ZNF10: variants seen among roughly 807,000 people sequenced by gnomAD.
The protein encoded by ZNF10 is zinc finger protein 10.
In ZNF10, 8 loss-of-function variants were observed where a neutral mutation model predicts 12.2. The ratio of observed to expected loss-of-function variants is 0.66; its 90% CI spans 0.39 to 1.18. The LOEUF (loss-of-function observed/expected upper bound fraction) is 1.18, where lower values mean the gene tolerates loss of function less well. Among genes scored for constraint, ZNF10 ranks in the 50% most tolerant of loss-of-function variants. ZNF10 has a pLI of 0.01. For missense variants in ZNF10, 603 were observed against 678.9 expected, an observed-to-expected ratio of 0.89 and a Z score of 1.24; for synonymous variants, 229 against 228.2, an observed-to-expected ratio of 1.00 and a Z score of -0.03.
chr12:133,136,656 T>C (rs1395318331), intron 1 of ZNF10, among the ~76,000 whole-genome samples: 1 of 152,216 alleles, frequency 6.6e-6, no homozygotes, highest in African/African-American at 2.4e-5. Context: ...AATATTACTG[T>C]TTCTTAGTAA....
chr12:133,131,947 T>C (rs556355449), intron 1 of ZNF10, among the ~76,000 whole-genome samples: 2 of 152,298 alleles, frequency 1.3e-5, no homozygotes, highest in East Asian at 3.9e-4. Flanking sequence ...GATTACAAAA[T>C]TATCCTTGTT....
At chr12:133,133,586 G>A (rs1955893079) in intron 1 of ZNF10, among the ~76,000 whole-genome samples, 1 of 152,200 alleles carries the variant, frequency 6.6e-6, no homozygotes, top group African/African-American at 2.4e-5. Flanking sequence ...ACGGATGATA[G>A]AACCACTGAT....
Position 133,155,534 on chromosome 12 carries a change from A to G in ZNF10, c.288A>G (p.Ser96=). The G allele has an allele frequency of 1.9e-6, 3 of 1,591,482 alleles. No homozygotes were observed. Among genetic ancestry groups the G allele is most frequent in the Non-Finnish European group, 2.6e-6 (3 of 1,173,440 alleles). Residue 96 remains serine, a synonymous_variant, in exon 5 of 5, where the codon TCA becomes TCG. Transcript: ENST00000248211. The stretch of plus-strand genomic sequence containing the variant: ...AGACTGCATTTGAAATCAAATCATC[A>G]GTTTCCAGCAGGAGCATTTTTAAAG... ...DSETAFEIKS[S]VSSRSIFKDK...
rs143738546 is a variant in ZNF10, at chr12:133,144,523, C to G, written c.31C>G (p.Arg11Gly). The change falls in exon 2 of 5, where the codon CGG becomes GGG. Residue 11 changes from arginine (R) to glycine (G), a missense_variant and splice_region_variant. This residue lies in a region of ZNF10 where 393 missense variants were observed against 399.7 expected (regional missense o/e 0.98). Coordinates refer to ENST00000248211, the MANE Select transcript of ZNF10 (RefSeq NM_015394.5). MDAKSLTAWS[R>G]TLVTFKDVFV... ...TGCTAAGTCACTAACTGCCTGGTCC[C>G]GGGTAAGCTGGGCTTTCTTCCCAGT... The G allele has an allele frequency of 1.4e-5, 23 of 1,613,728 alleles. No individual in the cohort carries two copies. Among genetic ancestry groups the G allele is most frequent in the East Asian group, 6.7e-5 (3 of 44,880 alleles).
In ZNF10 at chr12:133,151,161, C is replaced by A; in HGVS notation, c.160+7C>A. The A allele has an allele frequency of 6.2e-7, 1 of 1,608,178 alleles. No homozygotes were observed. Among genetic ancestry groups the A allele is most frequent in the Non-Finnish European group, 8.5e-7 (1 of 1,176,484 alleles). On this transcript the variant is annotated splice_region_variant and intron_variant, in intron 3 of 4. Transcript: ENST00000248211. ...AAGAACCTGGTTTCCTTGGGTAAGA[C>A]TAGCTCTGTTTTTGAAGATTTTGGT...
At chr12:133,152,987 T>C (rs1442627157) in intron 4 of ZNF10, among the ~76,000 whole-genome samples, 1 of 152,174 alleles carries the variant, frequency 6.6e-6, no homozygotes, top group Non-Finnish European at 1.5e-5. Flanking sequence ...TGTATCAAAA[T>C]GGTATCTCAA....
At chr12:133,150,939 C>T (rs903103104) in intron 2 of ZNF10, 89 bp from the exon 3 acceptor site, 18 of 1,495,852 alleles carry the variant, frequency 1.2e-5, no homozygotes, top group Non-Finnish European at 1.6e-5. Context: ...CCAGTGCTGT[C>T]AGCTTAATTT....
At chr12:133,147,602 TTC>T (rs1321630713) in intron 2 of ZNF10, among the ~76,000 whole-genome samples, 1 of 147,400 alleles carries the variant, frequency 6.8e-6, no homozygotes, top group Non-Finnish European at 1.5e-5. Flanking sequence ...CTAGTCTGTT[TTC>T]TGAGTTTTTT....
chr12:133,152,079 G>A (rs920549406), intron 4 of ZNF10, among the ~76,000 whole-genome samples, 175 bp downstream of exon 4: 3 of 152,176 alleles, frequency 2.0e-5, no homozygotes, highest in Admixed American at 1.3e-4. Context: ...TGCATTCAGA[G>A]GCAAAGGTTT....
chr12:133,151,888 C>A lies in ZNF10; in HGVS notation c.240C>A (p.His80Gln). The A allele has an allele frequency of 6.2e-7, 1 of 1,613,240 alleles. No individual in the cohort carries two copies. Among genetic ancestry groups the A allele is most frequent in the South Asian group, 1.1e-5 (1 of 91,056 alleles). ...EEPWLVEREIHQETHPDSETA... is the reference protein window; with the variant it reads ...EEPWLVEREIQQETHPDSETA... ...CCTGGCTGGTGGAGAGAGAAATTCA[C>A]CAAGAGACCCATCCTGGTGAGGACC... The change falls in exon 4 of 5, where the codon CAC (histidine) becomes CAA (glutamine). Residue 80 changes from histidine (H) to glutamine (Q), a missense_variant. Physicochemically the swap from His to Gln is conservative, Grantham distance 24. This residue lies in a region of ZNF10 where 393 missense variants were observed against 399.7 expected (regional missense o/e 0.98). Coordinates refer to ENST00000248211, the MANE Select transcript of ZNF10 (RefSeq NM_015394.5).
At chr12:133,133,471 A>G (rs1045737236) in intron 1 of ZNF10, among the ~76,000 whole-genome samples, 27 of 152,202 alleles carry the variant, frequency 1.8e-4, no homozygotes, top group African/African-American at 6.0e-4. Context: ...AGATTGTCCT[A>G]ATTCTTAAGT....
At chr12:133,139,982 T>C (rs1955935003) in intron 1 of ZNF10, among the ~76,000 whole-genome samples, 2 of 151,706 alleles carry the variant, frequency 1.3e-5, no homozygotes, top group African/African-American at 2.4e-5. Context: ...AGCAGGAGGA[T>C]TACTTGAGCC....
intron 1 of ZNF10, among the ~76,000 whole-genome samples, chr12:133,141,206 A>G (rs537355089): frequency 6.6e-6 from 1 of 152,298 alleles, no homozygotes; most frequent in Admixed American, 6.5e-5. Context: ...TAAAAGAAAG[A>G]CCCAAAAGGA....
chr12:133,144,634 G>A, intron 2 of ZNF10, 109 bp downstream of exon 2: 1 of 1,198,840 alleles, frequency 8.3e-7, no homozygotes, highest in Non-Finnish European at 1.2e-6. Flanking sequence ...ACTAGAATTA[G>A]GTTTTTGTTT....
intron 1 of ZNF10, among the ~76,000 whole-genome samples, chr12:133,140,215 A>G (rs1351764337): frequency 1.4e-5 from 2 of 142,956 alleles, no homozygotes; most frequent in African/African-American, 5.1e-5. Flanking sequence ...AAAAAAAAAA[A>G]AAAAAAAAAA....
intron 1 of ZNF10, among the ~76,000 whole-genome samples, chr12:133,138,149 G>A (rs1197798633): frequency 6.6e-6 from 1 of 151,922 alleles, no homozygotes; most frequent in Non-Finnish European, 1.5e-5. Flanking sequence ...CAATTCCAGC[G>A]TGCAGCCAGA....
chr12:133,133,279 A>G (rs952165918), intron 1 of ZNF10, among the ~76,000 whole-genome samples: 2 of 152,216 alleles, frequency 1.3e-5, no homozygotes, highest in African/African-American at 4.8e-5. Context: ...AAACCTATTC[A>G]GAACTTGAAG....
chr12:133,138,499 C>T (rs917599731), intron 1 of ZNF10, among the ~76,000 whole-genome samples: 4 of 151,888 alleles, frequency 2.6e-5, no homozygotes, highest in African/African-American at 9.7e-5. Flanking sequence ...CCTGGGATGC[C>T]AGTACTATTT....
intron 1 of ZNF10, among the ~76,000 whole-genome samples, chr12:133,136,751 A>T (rs1042065809): frequency 6.6e-6 from 1 of 152,178 alleles, no homozygotes; most frequent in African/African-American, 2.4e-5. Flanking sequence ...TACTTCACCT[A>T]TATCTTATAG....
Sources: allele counts gnomAD v4.1 joint callset (sites outside exome capture counted in the v4.1 genomes callset), GRCh38; gene constraint gnomAD v4.1.1; regional missense constraint gnomAD v4.1.1; transcripts MANE v1.5; gene names NCBI Gene and HGNC (gene_info 2026-07-23, HGNC 2026-07-21).